The following RNF144B variants were observed in gnomAD, a reference collection of about 807,000 sequenced individuals.
The protein encoded by RNF144B is E3 ubiquitin-protein ligase RNF144B.
RNF144B carries 25 observed loss-of-function variants against 40.2 expected under a neutral mutation model. The observed-to-expected ratio is 0.62, with a 90% CI of 0.45 to 0.87. The LOEUF (loss-of-function observed/expected upper bound fraction) is 0.87. RNF144B is among the 40% of genes least tolerant of loss of function. RNF144B has a pLI of 0.00. For missense variants in RNF144B, 365 were observed against 373.7 expected (o/e 0.98, Z 0.19); for synonymous variants, 145 against 136.3 (o/e 1.06, Z -0.44).
chr6:18,393,713 T>G lies in RNF144B; in HGVS notation c.-36-5786T>G, dbSNP rs1184996925. On this transcript the variant is annotated intron_variant, in intron 1 of 7. Coordinates refer to ENST00000259939, the MANE Select transcript of RNF144B (RefSeq NM_182757.4). ...CCTTTAGATTGCTGCTCTTTTTTTC[T>G]GCTTTATTAGAATATTAGCTTCCCG... Among the ~76,000 whole-genome samples the G allele has an allele frequency of 2.0e-5, 3 of 152,204 alleles. 1 individual carries two copies. Among genetic ancestry groups the G allele is most frequent in the Admixed American group, 2.0e-4 (3 of 15,272 alleles).
At position 18,405,075 on chromosome 6, in the gene RNF144B, G is replaced by T. The variant is rs566053672; in HGVS notation, c.165+5376G>T. On this transcript the variant is annotated intron_variant, in intron 2 of 7. Coordinates refer to ENST00000259939, the MANE Select transcript of RNF144B (RefSeq NM_182757.4). The surrounding 1 kb of genome is among the most constrained non-coding windows in gnomAD (Gnocchi z 4.5). ...TATTAAATGGGCCGAACTAAGTTCT[G>T]CCAGTTCAAAGCACTGTATTATTCT... Among the ~76,000 whole-genome samples the T allele has an allele frequency of 3.9e-5, 6 of 152,036 alleles. No homozygotes were observed. The East Asian group carries it at 1.2e-3, about 29-fold the overall frequency.
chr6:18,440,731 G>A (rs1241513421), intron 4 of RNF144B, among the ~76,000 whole-genome samples: 1 of 141,074 alleles, frequency 7.1e-6, no homozygotes, highest in Non-Finnish European at 1.5e-5. Context: ...TAGGTTAATA[G>A]CAACCTTAGA....
chr6:18,445,150 TAACTC>T (rs1759052461), intron 4 of RNF144B, among the ~76,000 whole-genome samples: 1 of 152,228 alleles, frequency 6.6e-6, no homozygotes. Context: ...AGCTGATAGT[TAACTC>T]AAGTGCATGG....
chr6:18,433,525 G>A (rs1052272480), intron 3 of RNF144B, among the ~76,000 whole-genome samples: 2 of 152,206 alleles, frequency 1.3e-5, no homozygotes, highest in Non-Finnish European at 2.9e-5. Context: ...TCACATGAGT[G>A]TATGGATATG....
chr6:18,426,427 A>G (rs917263440), intron 2 of RNF144B, among the ~76,000 whole-genome samples: 3 of 152,210 alleles, frequency 2.0e-5, no homozygotes, highest in Non-Finnish European at 4.4e-5. Flanking sequence ...TCCTGGAACT[A>G]CTGCCTTCAA....
rs1192507854 is a variant in RNF144B at position 18,467,588 on chromosome 6, G to A, written c.*2521G>A. On this transcript the variant is annotated 3_prime_UTR_variant, in exon 8 of 8. Coordinates refer to ENST00000259939, the MANE Select transcript of RNF144B (RefSeq NM_182757.4). ...AAACATATCTCTGGTACATCAAGGG[G>A]CATGATACAAACCAGTCTAAAGACT... 2 of 151,810 alleles carry A rather than the reference G, an allele frequency of 1.3e-5. No individual in the cohort carries two copies. The highest frequency in any genetic ancestry group is 2.9e-5 in the Non-Finnish European group (2 of 67,966). The allele number at this position is 151,810 out of a possible 1,614,324, so 9.4% of individuals were successfully genotyped here.
chr6:18,394,343 T>C (rs1465408224), intron 1 of RNF144B, among the ~76,000 whole-genome samples: 1 of 152,190 alleles, frequency 6.6e-6, no homozygotes, highest in Non-Finnish European at 1.5e-5. Flanking sequence ...CTTACACCTG[T>C]AATCCCAGCA....
chr6:18,408,014 T>C (rs1794951629), intron 2 of RNF144B, among the ~76,000 whole-genome samples: 1 of 149,190 alleles, frequency 6.7e-6, no homozygotes, highest in Non-Finnish European at 1.5e-5. Context: ...AGACAGAATC[T>C]CATTTTGTTG....
rs114047145 is a variant in RNF144B, at chr6:18,410,982, T to C, written c.165+11283T>C. Among the ~76,000 whole-genome samples the C allele has an allele frequency of 0.029, 2,650 of 92,256 alleles. 71 individuals are homozygous for C. Among genetic ancestry groups the C allele is most frequent in the African/African-American group, 0.083 (2,456 of 29,664 alleles). The allele number at this position is 92,256 out of a possible 152,430, so 60.5% of individuals were successfully genotyped here. A position where few individuals can be genotyped will look rare whatever the true frequency, so the allele number is the denominator to read the frequency against. On this transcript the variant is annotated intron_variant, in intron 2 of 7. Transcript: ENST00000259939. This position sits in a 1 kb window ranked among gnomAD's most constrained non-coding sequence, Gnocchi z 4.6. Reference sequence around the variant, plus strand: ...GTCAGCTTTCTTTTCTTTTTTTTTCTTCTTTTCTTTTCTTTTTTTTTGAGA... The same window carrying C: ...GTCAGCTTTCTTTTCTTTTTTTTTCCTCTTTTCTTTTCTTTTTTTTTGAGA...
rs1160185917 is a variant in RNF144B at position 18,398,030 on chromosome 6, G to A, written c.-36-1469G>A. Among the ~76,000 whole-genome samples the A allele has an allele frequency of 6.6e-6, 1 of 151,970 alleles. No individual in the cohort carries two copies. The highest frequency in any genetic ancestry group is 1.9e-4 in the East Asian group (1 of 5,160). On this transcript the variant is annotated intron_variant, in intron 1 of 7. Coordinates refer to ENST00000259939, the MANE Select transcript of RNF144B (RefSeq NM_182757.4). The surrounding 1 kb of genome is among the most constrained non-coding windows in gnomAD (Gnocchi z 5.0). Reference sequence around the variant, plus strand: ...AGGTGGAGTCGGGAGGGTCATGTCAGTCCAGGAGTTCGAGGCTGCAGTGAG... The same window carrying A: ...AGGTGGAGTCGGGAGGGTCATGTCAATCCAGGAGTTCGAGGCTGCAGTGAG...
Position 18,466,451 on chromosome 6 carries a change from G to C in RNF144B, c.*1384G>C, listed in dbSNP as rs530769515. The C allele has an allele frequency of 2.6e-5, 4 of 152,270 alleles. No individual in the cohort carries two copies. Among genetic ancestry groups the C allele is most frequent in the African/African-American group, 9.7e-5 (4 of 41,320 alleles). The allele number at this position is 152,270 out of a possible 1,614,324, so 9.4% of individuals were successfully genotyped here. A position where few individuals can be genotyped will look rare whatever the true frequency, so the allele number is the denominator to read the frequency against. ...AAATAGAAATGCTTTATATAATTTA[G>C]TTTAAATTTATGTATCACCTCATTG... is the stretch of plus-strand genomic sequence containing the variant. On this transcript the variant is annotated 3_prime_UTR_variant, in exon 8 of 8. Coordinates refer to ENST00000259939, the MANE Select transcript of RNF144B (RefSeq NM_182757.4).
Position 18,464,859 on chromosome 6 carries a change from A to C in RNF144B, c.772-68A>C, listed in dbSNP as rs1411075561. 10 of 1,470,178 alleles carry C rather than the reference A, an allele frequency of 6.8e-6. No homozygotes were observed. The Admixed American group carries it at 1.7e-4, about 25-fold the overall frequency. The allele number at this position is 1,470,178 out of a possible 1,614,324, so 91.1% of individuals were successfully genotyped here. A position where few individuals can be genotyped will look rare whatever the true frequency, so the allele number is the denominator to read the frequency against. On this transcript the variant is annotated intron_variant, in intron 7 of 7. Coordinates refer to ENST00000259939, the MANE Select transcript of RNF144B (RefSeq NM_182757.4). The surrounding 1 kb of genome is among the most constrained non-coding windows in gnomAD (Gnocchi z 6.1). ...CATTTGGCCCACAGCAGATAACAGT[A>C]TAGTTGGAATAAGTATACATATTGA... is the stretch of plus-strand genomic sequence containing the variant.
rs373314899 is a variant in RNF144B at position 18,443,366 on chromosome 6, G to A, written c.331+3622G>A. Among the ~76,000 whole-genome samples, 108 of 152,138 alleles carry A rather than the reference G, an allele frequency of 7.1e-4. 1 individual carries two copies. Among genetic ancestry groups the A allele is most frequent in the Non-Finnish European group, 2.5e-4 (17 of 67,994 alleles). On this transcript the variant is annotated intron_variant, in intron 4 of 7. Transcript: ENST00000259939. The surrounding 1 kb of genome is among the most constrained non-coding windows in gnomAD (Gnocchi z 4.7). ...CAACTTCCGCCTCCTGGGTTCAAGCGATTCTCCTGCCTCAGCCTCCCGAGT... is the reference window on the plus strand; with the variant it reads ...CAACTTCCGCCTCCTGGGTTCAAGCAATTCTCCTGCCTCAGCCTCCCGAGT...
In RNF144B at chr6:18,406,590, C is replaced by T. The variant is rs1421973281; in HGVS notation, c.165+6891C>T. Among the ~76,000 whole-genome samples the T allele has an allele frequency of 6.6e-6, 1 of 151,484 alleles. No individual in the cohort carries two copies. The highest frequency in any genetic ancestry group is 1.5e-5 in the Non-Finnish European group (1 of 67,946). On this transcript the variant is annotated intron_variant, in intron 2 of 7. Transcript: ENST00000259939. This position sits in a 1 kb window ranked among gnomAD's most constrained non-coding sequence, Gnocchi z 4.2. ...GGAGAACCAGTGGTGTATTTCCAGT[C>T]CAAGTCTGAAGGCTTGAGAACTAAG...
chr6:18,446,584 G>A lies in RNF144B; in HGVS notation c.331+6840G>A, dbSNP rs563888548. 6.6e-6 allele frequency among the ~76,000 whole-genome samples: 1 copy of A among 152,278 alleles called. No homozygotes were observed. The highest frequency in any genetic ancestry group is 2.4e-5 in the African/African-American group (1 of 41,560). Reference sequence around the variant, plus strand: ...ATCTTTTTTACTATGGGAAATTGATGTACTGATGCTATGTCTTATATTTCT... The same window carrying A: ...ATCTTTTTTACTATGGGAAATTGATATACTGATGCTATGTCTTATATTTCT... On this transcript the variant is annotated intron_variant, in intron 4 of 7. Transcript: ENST00000259939. This position sits in a 1 kb window ranked among gnomAD's most constrained non-coding sequence, Gnocchi z 4.7.
At position 18,448,713 on chromosome 6, in the gene RNF144B, CA is replaced by C. The variant is rs1759140894; in HGVS notation, c.332-8441del. ...GCACACACACACACACACACACACA[CA>C]CACCCCACCCCCAAGATAGAACCAG... On this transcript the variant is annotated intron_variant, in intron 4 of 7. Coordinates refer to ENST00000259939, the MANE Select transcript of RNF144B (RefSeq NM_182757.4). The surrounding 1 kb of genome is among the most constrained non-coding windows in gnomAD (Gnocchi z 4.0). Among the ~76,000 whole-genome samples, 5 of 151,266 alleles carry C rather than the reference CA, an allele frequency of 3.3e-5. No homozygotes were observed. Among genetic ancestry groups the C allele is most frequent in the Admixed American group, 6.6e-5 (1 of 15,132 alleles).
At chr6:18,452,261 G>A (rs1024122956) in intron 4 of RNF144B, among the ~76,000 whole-genome samples, 1 of 152,180 alleles carries the variant, frequency 6.6e-6, no homozygotes, top group Non-Finnish European at 1.5e-5. Flanking sequence ...AACAGAATGA[G>A]AAACAGCCTT....
In RNF144B at chr6:18,405,443, G is replaced by A. The variant is rs897559805; in HGVS notation, c.165+5744G>A. 5.3e-5 allele frequency among the ~76,000 whole-genome samples: 8 copies of A among 152,050 alleles called. No individual in the cohort carries two copies. The highest frequency in any genetic ancestry group is 1.7e-4 in the African/African-American group (7 of 41,424). On this transcript the variant is annotated intron_variant, in intron 2 of 7. Coordinates refer to ENST00000259939, the MANE Select transcript of RNF144B (RefSeq NM_182757.4). The surrounding 1 kb of genome is among the most constrained non-coding windows in gnomAD (Gnocchi z 4.5). Reference sequence around the variant, plus strand: ...ACCTGCCTCGGCCTCCCAAAGTGCTGGGATTATAGGCGTGAGCCACCGTGC... The same window carrying A: ...ACCTGCCTCGGCCTCCCAAAGTGCTAGGATTATAGGCGTGAGCCACCGTGC...
At position 18,427,081 on chromosome 6, in the gene RNF144B, T is replaced by C. The variant is rs547169625; in HGVS notation, c.166-500T>C. On this transcript the variant is annotated intron_variant, in intron 2 of 7. Transcript: ENST00000259939. ...GGAAGTCACCTGACTTTCCCAAATT[T>C]GACATTATCTTTTCCAGGTATGTTT... 5.3e-5 allele frequency among the ~76,000 whole-genome samples: 8 copies of C among 152,320 alleles called. No individual in the cohort carries two copies. In the South Asian group the frequency reaches 1.7e-3, roughly 32 times the overall value.
Sources: gnomAD v4.1 joint callset for allele counts (sites outside exome capture counted in the v4.1 genomes callset) on GRCh38, gnomAD v4.1.1 for gene constraint, Gnocchi (gnomAD v3.1) non-coding constraint, MANE v1.5 for transcripts, NCBI Gene and HGNC (gene_info 2026-07-23, HGNC 2026-07-21) for gene names.